Variants in GDPD1 observed in about 807,000 individuals in gnomAD.
GDPD1 encodes the protein lysophospholipase D GDPD1.
In GDPD1, 28 loss-of-function variants were observed where a neutral mutation model predicts 45.1. The ratio of observed to expected loss-of-function variants is 0.62; its 90% CI spans 0.46 to 0.85. The LOEUF is 0.85. Among genes scored for constraint, GDPD1 ranks in the 40% least tolerant of loss-of-function variants. The pLI, the probability that GDPD1 is intolerant of heterozygous loss-of-function variation, is 0.00. For synonymous variants in GDPD1, 139 were observed against 131.4 expected (o/e 1.06, Z -0.40); for missense variants, 256 against 364.8 (o/e 0.70, Z 2.43).
At chr17:59,256,452 T>C (rs905442224) in intron 4 of GDPD1, among the ~76,000 whole-genome samples, 1 of 152,252 alleles carries the variant, frequency 6.6e-6, no homozygotes, top group African/African-American at 2.4e-5. Flanking sequence ...ATTCATATAA[T>C]TCTTCAACAC....
chr17:59,268,109 A>G (rs1169288237), intron 7 of GDPD1, among the ~76,000 whole-genome samples: 2 of 152,164 alleles, frequency 1.3e-5, no homozygotes, highest in African/African-American at 2.4e-5. Context: ...AATACTAAGC[A>G]CTCAAGAGTG....
intron 7 of GDPD1, 131 bp from the exon 8 acceptor site, chr17:59,270,805 C>A: frequency 1.8e-6 from 1 of 561,078 alleles, no homozygotes; most frequent in East Asian, 3.1e-5. Flanking sequence ...TTATTTTTGT[C>A]CTTTTTACAA....
chr17:59,231,855 T>C (rs569449550), intron 1 of GDPD1, among the ~76,000 whole-genome samples: 6 of 152,258 alleles, frequency 3.9e-5, no homozygotes, highest in East Asian at 1.9e-4. Context: ...CTCAAACTCC[T>C]GGGCTCAAGC....
chr17:59,242,095 C>T (rs1223650379), intron 2 of GDPD1, among the ~76,000 whole-genome samples: 1 of 152,090 alleles, frequency 6.6e-6, no homozygotes, highest in Non-Finnish European at 1.5e-5. Context: ...CAGAGTCTTG[C>T]TCTGTCACCC....
At chr17:59,234,454 A>T in intron 1 of GDPD1, 38 bp from the exon 2 acceptor site, 1 of 1,289,406 alleles carries the variant, frequency 7.8e-7, no homozygotes. Flanking sequence ...GAAAATTAAA[A>T]TGTTCAAAAT....
At chr17:59,261,263 G>A (rs1217868790) in intron 6 of GDPD1, among the ~76,000 whole-genome samples, 1 of 152,052 alleles carries the variant, frequency 6.6e-6, no homozygotes, top group African/African-American at 2.4e-5. Context: ...ACCACACCTG[G>A]CCTAAAGCAA....
chr17:59,257,298 G>T, intron 5 of GDPD1, 58 bp downstream of exon 5: 1 of 864,596 alleles, frequency 1.2e-6, no homozygotes, highest in South Asian at 1.6e-5. Flanking sequence ...AACTAAATAA[G>T]GTTAGAGTCA....
chr17:59,243,366 C>G (rs1054936702), intron 2 of GDPD1, among the ~76,000 whole-genome samples: 11 of 151,950 alleles, frequency 7.2e-5, no homozygotes, highest in African/African-American at 2.7e-4. Context: ...ATTAGGTGGG[C>G]ATGGTGGGGC....
intron 1 of GDPD1, among the ~76,000 whole-genome samples, chr17:59,231,675 CT>C (rs1359715119): frequency 6.6e-6 from 1 of 151,876 alleles, no homozygotes; most frequent in Non-Finnish European, 1.5e-5. Flanking sequence ...TGGGTGTGAC[CT>C]TTTGTTCTTT....
intron 6 of GDPD1, among the ~76,000 whole-genome samples, chr17:59,260,588 T>C (rs2047348419): frequency 6.6e-6 from 1 of 152,242 alleles, no homozygotes; most frequent in South Asian, 2.1e-4. Flanking sequence ...AAAATGATAG[T>C]TAAACCTTCA....
At chr17:59,240,174 C>G (rs1205150236) in intron 2 of GDPD1, among the ~76,000 whole-genome samples, 1 of 151,778 alleles carries the variant, frequency 6.6e-6, no homozygotes, top group Non-Finnish European at 1.5e-5. Flanking sequence ...GCTTGTAGTT[C>G]CAGCTACTCA....
intron 1 of GDPD1, among the ~76,000 whole-genome samples, chr17:59,230,476 G>A (rs1396474691): frequency 1.4e-5 from 2 of 143,846 alleles, no homozygotes; most frequent in Non-Finnish European, 1.5e-5. Context: ...TCCGCCTCCC[G>A]GGTTCAAGCG....
Position 59,269,388 on chromosome 17 carries a change from A to G in GDPD1, c.711-1548A>G, listed in dbSNP as rs943102320. 7.2e-5 allele frequency among the ~76,000 whole-genome samples: 11 copies of G among 151,920 alleles called. No homozygotes were observed. The South Asian group carries it at 1.7e-3, about 23-fold the overall frequency. On this transcript the variant is annotated intron_variant, in intron 7 of 9. Coordinates refer to ENST00000284116, the MANE Select transcript of GDPD1 (RefSeq NM_182569.4). ...CAATTTCAGTATCTTAGTGATAAAC[A>G]TGTTTATTTTATTTATTCCTAAATT...
chr17:59,257,722 T>TA, intron 5 of GDPD1, 29 bp from the exon 6 acceptor site: 2 of 1,433,732 alleles, frequency 1.4e-6, no homozygotes, highest in Non-Finnish European at 1.9e-6. Flanking sequence ...AATAGGCACA[T>TA]GCATAAAATT....
rs1343865335 is a variant in GDPD1, at chr17:59,220,736, ATC to A, written c.132_133del (p.His45ProfsTer20). 1 of 1,613,544 alleles carries A rather than the reference ATC, an allele frequency of 6.2e-7. No homozygotes were observed. Among genetic ancestry groups the A allele is most frequent in the Admixed American group, 1.7e-5 (1 of 60,000 alleles). On this transcript the variant is annotated frameshift_variant, in exon 1 of 10. Coordinates refer to ENST00000284116, the MANE Select transcript of GDPD1 (RefSeq NM_182569.4). LOFTEE classifies it high-confidence loss of function. ...GAAGCAGCGATTCCTCAGTAAACAC[ATC>A]TCTCACCGCGGAGGTGAGAGGGGTC... Reference protein sequence around the residue: ...RKKQRFLSKHISHRGGAGENL... With the variant: ...RKKQRFLSKHXSHRGGAGENL...
chr17:59,222,505 C>CTTTTTTTTTTTTTTTTTTTTTT lies in GDPD1; in HGVS notation c.142+1759_142+1780dup, dbSNP rs149536097. On this transcript the variant is annotated intron_variant, in intron 1 of 9. Coordinates refer to ENST00000284116, the MANE Select transcript of GDPD1 (RefSeq NM_182569.4). Reference sequence around the variant, plus strand: ...ACAGGCGTGAGCCACAGTGCCCAGCCTTTTTTTTTTTTTTTTTTTTTTTTT... The same window carrying CTTTTTTTTTTTTTTTTTTTTTT: ...ACAGGCGTGAGCCACAGTGCCCAGCCTTTTTTTTTTTTTTTTTTTTTTTTTTTTTTTTTTTTTTTTTTTTTTT... 6.7e-4 allele frequency among the ~76,000 whole-genome samples: 28 copies of CTTTTTTTTTTTTTTTTTTTTTT among 41,740 alleles called. 7 individuals carry two copies. The highest frequency in any genetic ancestry group is 1.1e-3 in the Non-Finnish European group (24 of 21,764). 27.4% of individuals were successfully genotyped at this position (41,740 alleles called of 152,430 possible).
chr17:59,239,800 T>G, intron 2 of GDPD1, among the ~76,000 whole-genome samples: 1 of 142,606 alleles, frequency 7.0e-6, no homozygotes. Flanking sequence ...GGACACACTG[T>G]TTTTTTTTTT....
At chr17:59,272,716 A>G in intron 8 of GDPD1, 69 bp from the exon 9 acceptor site, 1 of 887,730 alleles carries the variant, frequency 1.1e-6, no homozygotes, top group Non-Finnish European at 1.9e-6. Flanking sequence ...TGGAATTACT[A>G]AACTCTAAAT....
chr17:59,244,111 C>T (rs1173267706), intron 2 of GDPD1, among the ~76,000 whole-genome samples: 1 of 152,170 alleles, frequency 6.6e-6, no homozygotes, highest in Non-Finnish European at 1.5e-5. Context: ...AAGTAAAGTA[C>T]ATTTGGAAGA....
Sources: allele counts gnomAD v4.1 joint callset (sites outside exome capture counted in the v4.1 genomes callset), GRCh38; gene constraint gnomAD v4.1.1; transcripts MANE v1.5; gene names NCBI Gene and HGNC (gene_info 2026-07-23, HGNC 2026-07-21).